The following SLC16A2 variants were observed in gnomAD, a reference collection of about 807,000 sequenced individuals.
SLC16A2 encodes solute carrier family 16 member 2.
In SLC16A2, 3 loss-of-function variants were observed where a neutral mutation model predicts 27.2. The ratio of observed to expected loss-of-function variants is 0.11; its 90% CI spans 0.05 to 0.28. The LOEUF (loss-of-function observed/expected upper bound fraction) is 0.28, where lower values mean the gene tolerates loss of function less well. SLC16A2 is among the 10% of genes least tolerant of loss of function. The pLI is 1.00. For missense variants in SLC16A2, 295 were observed against 458.5 expected (o/e 0.64, Z 3.26); for synonymous variants, 202 against 187.8 (o/e 1.08, Z -0.62).
intron 1 of SLC16A2, among the ~76,000 whole-genome samples, chrX:74,440,199 G>A (rs1928716365): frequency 9.0e-6 from 1 of 111,287 alleles, no homozygotes; most frequent in Non-Finnish European, 1.9e-5. Flanking sequence ...ATCATTTATT[G>A]TCCAAATTGG....
intron 1 of SLC16A2, among the ~76,000 whole-genome samples, chrX:74,500,180 G>A (rs977083156): frequency 1.8e-5 from 2 of 110,767 alleles, no homozygotes; most frequent in African/African-American, 6.6e-5. Context: ...GCTAAAACTG[G>A]CGTAAGGTCT....
chrX:74,488,303 C>T (rs995500678), intron 1 of SLC16A2, among the ~76,000 whole-genome samples: 10 of 111,122 alleles, frequency 9.0e-5, no homozygotes, highest in African/African-American at 3.3e-4. Context: ...AAATTATCTC[C>T]CTTACTTTAG....
At chrX:74,513,551 AT>A (rs1930268116) in intron 1 of SLC16A2, among the ~76,000 whole-genome samples, 1 of 111,824 alleles carries the variant, frequency 8.9e-6, no homozygotes, top group Non-Finnish European at 1.9e-5. Flanking sequence ...TGTCACCATA[AT>A]TGTTATCATG....
rs1425742910 is a variant in SLC16A2 at position 74,514,860 on chromosome X, AG to A, written c.431-6127del. 5.3e-5 allele frequency among the ~76,000 whole-genome samples: 6 copies of A among 112,308 alleles called. No individual in the cohort carries two copies. The Admixed American group carries it at 5.6e-4, about 11-fold the overall frequency. ...CTTAGAGTGTCAATAGAAGCTAAGC[AG>A]GGAACCTGGATTTCCACCCCCATTT... On this transcript the variant is annotated intron_variant, in intron 1 of 5. Transcript: ENST00000587091.
chrX:74,468,282 G>A (rs891062544), intron 1 of SLC16A2, among the ~76,000 whole-genome samples: 3 of 111,181 alleles, frequency 2.7e-5, no homozygotes, highest in Non-Finnish European at 3.8e-5. Context: ...TCACCCCCTC[G>A]CAGACCTTGG....
chrX:74,522,586 C>T (rs1317197930), intron 2 of SLC16A2, among the ~76,000 whole-genome samples: 1 of 111,958 alleles, frequency 8.9e-6, no homozygotes, highest in African/African-American at 3.2e-5. Flanking sequence ...CAGCAAAGGT[C>T]TGTTTTTTAA....
chrX:74,488,924 G>C (rs1451040777), intron 1 of SLC16A2, among the ~76,000 whole-genome samples: 4 of 111,087 alleles, frequency 3.6e-5, no homozygotes, highest in Admixed American at 1.9e-4. Context: ...CTTTTAATAA[G>C]AACACTTTAA....
rs1928556662 is a variant in SLC16A2 at position 74,432,848 on chromosome X, C to T, written c.430+10781C>T. On this transcript the variant is annotated intron_variant, in intron 1 of 5. Coordinates refer to ENST00000587091, the MANE Select transcript of SLC16A2 (RefSeq NM_006517.5). ...CTCCCTGAACTTTTCAAAGTCAATCCCCAGGCCCTACTTTGTGAAAAGAGA... is the reference window on the plus strand; with the variant it reads ...CTCCCTGAACTTTTCAAAGTCAATCTCCAGGCCCTACTTTGTGAAAAGAGA... 1.8e-5 allele frequency among the ~76,000 whole-genome samples: 2 copies of T among 111,691 alleles called. 1 individual carries two copies. The highest frequency in any genetic ancestry group is 7.5e-4 in the South Asian group (2 of 2,650).
chrX:74,492,902 A>G (rs1172658571), intron 1 of SLC16A2, among the ~76,000 whole-genome samples: 1 of 111,911 alleles, frequency 8.9e-6, no homozygotes, highest in Non-Finnish European at 1.9e-5. Flanking sequence ...AGCAACCAGG[A>G]GCCACAAAGA....
In SLC16A2 at chrX:74,421,759, C is replaced by G; in HGVS notation, c.122C>G (p.Pro41Arg). The change falls in exon 1 of 6, where the codon CCC becomes CGC. Residue 41 changes from proline to arginine, a missense_variant. This residue lies in a region of SLC16A2 where 92 missense variants were observed against 85.1 expected (regional missense o/e 1.08). Coordinates refer to ENST00000587091, the MANE Select transcript of SLC16A2 (RefSeq NM_006517.5). Reference protein sequence around the residue: ...PESEPEPEPEPEPVPVPPPEP... With the variant: ...PESEPEPEPEREPVPVPPPEP... Reference sequence around the variant, plus strand: ...TCTGAGCCGGAGCCTGAGCCCGAGCCCGAGCCCGTGCCAGTGCCCCCGCCC... The same window carrying G: ...TCTGAGCCGGAGCCTGAGCCCGAGCGCGAGCCCGTGCCAGTGCCCCCGCCC... 2 of 1,149,147 alleles carry G rather than the reference C, an allele frequency of 1.7e-6. No individual in the cohort carries two copies. The highest frequency in any genetic ancestry group is 3.6e-5 in the African/African-American group (2 of 56,247). The allele number at this position is 1,149,147 out of a possible 1,213,427, so 94.7% of individuals were successfully genotyped here. A position where few individuals can be genotyped will look rare whatever the true frequency, so the allele number is the denominator to read the frequency against.
intron 1 of SLC16A2, among the ~76,000 whole-genome samples, chrX:74,445,984 G>A (rs1928831191): frequency 1.8e-5 from 2 of 111,297 alleles, no homozygotes; most frequent in African/African-American, 6.5e-5. Context: ...TCCTTTGACT[G>A]CTAACCATGC....
chrX:74,500,050 A>G (rs1485303582), intron 1 of SLC16A2, among the ~76,000 whole-genome samples: 2 of 111,834 alleles, frequency 1.8e-5, no homozygotes, highest in Admixed American at 1.9e-4. Flanking sequence ...ACATGTTGTA[A>G]CATACATCCC....
chrX:74,489,594 C>T (rs970961275), intron 1 of SLC16A2, among the ~76,000 whole-genome samples: 15 of 111,649 alleles, frequency 1.3e-4, no homozygotes, highest in African/African-American at 4.9e-4. Flanking sequence ...TATTTAAGCA[C>T]TTGTTTTTCT....
intron 1 of SLC16A2, among the ~76,000 whole-genome samples, chrX:74,515,898 A>AAAG (rs1930311064): frequency 8.9e-6 from 1 of 112,069 alleles, no homozygotes; most frequent in African/African-American, 3.2e-5. Flanking sequence ...ACCTACCCTA[A>AAAG]AAGAATAGCT....
At position 74,533,667 on chromosome X, in the gene SLC16A2, A is replaced by C. The variant is rs918162957; in HGVS notation, c.*2114A>C. ...ACATTCATAGGTCCCAAATCTGCCC[A>C]TTCAGATGTCACATAATATGGTGGG... On this transcript the variant is annotated 3_prime_UTR_variant, in exon 6 of 6. Transcript: ENST00000587091. 1.8e-5 allele frequency: 2 copies of C among 112,846 alleles called. No individual in the cohort carries two copies. Among genetic ancestry groups the C allele is most frequent in the Non-Finnish European group, 3.8e-5 (2 of 53,318 alleles). 9.3% of individuals were successfully genotyped at this position (112,846 alleles called of 1,213,427 possible).
chrX:74,446,966 A>G (rs1928848313), intron 1 of SLC16A2, among the ~76,000 whole-genome samples: 1 of 112,146 alleles, frequency 8.9e-6, no homozygotes, highest in Admixed American at 9.5e-5. Context: ...TTTAGGTTCA[A>G]CCTCCTGCCT....
chrX:74,444,429 T>C (rs1271667139), intron 1 of SLC16A2, among the ~76,000 whole-genome samples: 2 of 103,580 alleles, frequency 1.9e-5, no homozygotes, highest in Admixed American at 1.0e-4. Flanking sequence ...GGCACCATAT[T>C]CTGCCCCTGA....
chrX:74,471,921 G>T (rs754672227), intron 1 of SLC16A2, among the ~76,000 whole-genome samples: 1 of 112,117 alleles, frequency 8.9e-6, no homozygotes, highest in East Asian at 2.8e-4. Context: ...TTTGTAACTG[G>T]CTTATTTCAC....
intron 1 of SLC16A2, among the ~76,000 whole-genome samples, chrX:74,493,296 G>A (rs746430500): frequency 6.2e-5 from 7 of 112,261 alleles, no homozygotes; most frequent in Non-Finnish European, 7.5e-5. Flanking sequence ...GTTGGGGAGC[G>A]TGTTGTAATC....
Sources: gnomAD v4.1 joint callset for allele counts (sites outside exome capture counted in the v4.1 genomes callset) on GRCh38, gnomAD v4.1.1 for gene constraint, gnomAD v4.1.1 regional missense constraint, MANE v1.5 for transcripts, NCBI Gene and HGNC (gene_info 2026-07-23, HGNC 2026-07-21) for gene names.